FSTL4: variants seen among roughly 807,000 people sequenced by gnomAD.
FSTL4 encodes follistatin-related protein 4.
Under a neutral mutation model 78.2 loss-of-function variants are expected in FSTL4, and 28 were observed. That is an observed-to-expected ratio of 0.36 (90% CI 0.27 to 0.49). The LOEUF is 0.49. FSTL4 is among the 20% of genes least tolerant of loss of function. FSTL4 has a pLI of 0.98. For synonymous variants in FSTL4, 422 were observed against 440.5 expected, an observed-to-expected ratio of 0.96 and a Z score of 0.53; for missense variants, 922 against 1,084.9, an observed-to-expected ratio of 0.85 and a Z score of 2.11.
At chr5:133,251,423 G>A (rs762387451) in intron 6 of FSTL4, among the ~76,000 whole-genome samples, 20 of 152,178 alleles carry the variant, frequency 1.3e-4, no homozygotes, top group Non-Finnish European at 2.5e-4. Flanking sequence ...CTCCTGGTAT[G>A]GAAACAGGCC....
intron 2 of FSTL4, among the ~76,000 whole-genome samples, chr5:133,570,636 T>C (rs1179999588): frequency 6.6e-6 from 1 of 152,178 alleles, no homozygotes; most frequent in Non-Finnish European, 1.5e-5. Flanking sequence ...TTGTGAAAAT[T>C]TTATGAGATA....
intron 4 of FSTL4, among the ~76,000 whole-genome samples, chr5:133,324,932 G>A (rs543426000): frequency 6.6e-6 from 1 of 152,254 alleles, no homozygotes; most frequent in Admixed American, 6.5e-5. Context: ...ACCTCACCCA[G>A]TGGGGACAAC....
At chr5:133,470,749 AAT>A (rs886729424) in intron 3 of FSTL4, among the ~76,000 whole-genome samples, 14 of 28,566 alleles carry the variant, frequency 4.9e-4, no homozygotes, top group African/African-American at 1.0e-3. Context: ...CTGCCTCAAA[AAT>A]AAAATAAAAT....
At chr5:133,712,085 G>A in the FSTL4 span, among the ~76,000 whole-genome samples, 8 of 152,164 alleles carry the variant, frequency 5.3e-5, no homozygotes, top group Admixed American at 2.0e-4. Context: ...AAGGGGCTAT[G>A]TGACAACCAG....
the FSTL4 span, among the ~76,000 whole-genome samples, chr5:133,733,717 C>T: frequency 6.6e-6 from 1 of 152,212 alleles, no homozygotes; most frequent in Non-Finnish European, 1.5e-5. Context: ...GTGCTTAAAA[C>T]ACAACAAACA....
the FSTL4 span, among the ~76,000 whole-genome samples, chr5:133,690,128 C>T: frequency 6.6e-6 from 1 of 152,078 alleles, no homozygotes; most frequent in Non-Finnish European, 1.5e-5. Context: ...CCGGAACTTC[C>T]CTTCCACAAA....
At chr5:133,559,960 C>A (rs2112936590) in intron 3 of FSTL4, among the ~76,000 whole-genome samples, 1 of 152,278 alleles carries the variant, frequency 6.6e-6, no homozygotes, top group African/African-American at 2.4e-5. Context: ...GTGATCTGAC[C>A]TTTGTGAGAA....
chr5:133,275,656 CAT>C (rs911311533), intron 6 of FSTL4: 42 of 151,994 alleles, frequency 2.8e-4, no homozygotes, highest in African/African-American at 7.2e-4. Context: ...TGTGACTACA[CAT>C]GTCTCAAGCC....
At chr5:133,316,782 A>G in intron 4 of FSTL4, 130 bp from the exon 5 acceptor site, 2 of 661,990 alleles carry the variant, frequency 3.0e-6, no homozygotes, top group Non-Finnish European at 5.0e-6. Flanking sequence ...GCACGGTGCA[A>G]CTGTCGTCGA....
the FSTL4 span, among the ~76,000 whole-genome samples, chr5:133,631,915 G>T: frequency 6.6e-6 from 1 of 152,062 alleles, no homozygotes; most frequent in Non-Finnish European, 1.5e-5. Context: ...ACCAAACACC[G>T]CATGTTCTCA....
chr5:133,722,247 G>T, the FSTL4 span, among the ~76,000 whole-genome samples: 8 of 152,000 alleles, frequency 5.3e-5, no homozygotes, highest in Admixed American at 3.9e-4. Flanking sequence ...CATATGTGAG[G>T]GATCTATGAG....
chr5:133,705,579 C>T, the FSTL4 span, among the ~76,000 whole-genome samples: 1 of 152,244 alleles, frequency 6.6e-6, no homozygotes, highest in South Asian at 2.1e-4. Context: ...AACCACAAGA[C>T]CCAGGATCAC....
chr5:133,656,205 A>G, the FSTL4 span, among the ~76,000 whole-genome samples: 3 of 152,114 alleles, frequency 2.0e-5, no homozygotes, highest in Non-Finnish European at 2.9e-5. Flanking sequence ...AAAGAAGCCA[A>G]CAAGGACTGT....
intron 3 of FSTL4, among the ~76,000 whole-genome samples, chr5:133,432,905 A>G (rs1319874455): frequency 6.6e-6 from 1 of 152,176 alleles, no homozygotes; most frequent in Non-Finnish European, 1.5e-5. Flanking sequence ...AAATCTGGCA[A>G]TTTTTCATAT....
intron 2 of FSTL4, among the ~76,000 whole-genome samples, chr5:133,593,836 G>A (rs1292405732): frequency 6.6e-5 from 10 of 152,152 alleles, no homozygotes; most frequent in African/African-American, 2.4e-4. Flanking sequence ...ATTAACTAAT[G>A]TAGGTGATTC....
intron 3 of FSTL4, among the ~76,000 whole-genome samples, chr5:133,460,018 G>A (rs1038249907): frequency 4.6e-5 from 7 of 152,158 alleles, no homozygotes; most frequent in Admixed American, 2.0e-4. Context: ...TAGGGTGTAC[G>A]CCGAGTAAAT....
chr5:133,253,195 CT>C lies in FSTL4; in HGVS notation c.728-3620del, dbSNP rs549828736. On this transcript the variant is annotated intron_variant, in intron 6 of 15. Transcript: ENST00000265342. ...TATTTCCTGGTCAACAAGCCTCCCC[CT>C]GGCGGGTCCTCCTTCCTTGCTAAAT... Among the ~76,000 whole-genome samples, 306 of 152,350 alleles carry C rather than the reference CT, an allele frequency of 2.0e-3. 4 individuals carry two copies. Among genetic ancestry groups the C allele is most frequent in the African/African-American group, 6.8e-3 (284 of 41,570 alleles).
At chr5:133,499,395 C>CAT (rs971299258) in intron 3 of FSTL4, among the ~76,000 whole-genome samples, 2 of 151,698 alleles carry the variant, frequency 1.3e-5, no homozygotes, top group Admixed American at 1.3e-4. Context: ...CACACACACA[C>CAT]ACACACACAC....
chr5:133,282,116 C>A (rs1753023505), intron 6 of FSTL4, among the ~76,000 whole-genome samples: 1 of 152,134 alleles, frequency 6.6e-6, no homozygotes, highest in Non-Finnish European at 1.5e-5. Context: ...ATGGGAAATG[C>A]TTGGTGGGCA....
Sources: allele counts gnomAD v4.1 joint callset (sites outside exome capture counted in the v4.1 genomes callset), GRCh38; gene constraint gnomAD v4.1.1; transcripts MANE v1.5; gene names NCBI Gene and HGNC (gene_info 2026-07-23, HGNC 2026-07-21).